BOD1L1: variants seen among roughly 807,000 people sequenced by gnomAD.
BOD1L1 encodes biorientation of chromosomes in cell division protein 1-like 1.
In BOD1L1, 86 loss-of-function variants were observed where a neutral mutation model predicts 240.7. That is an observed-to-expected ratio of 0.36 (90% CI 0.30 to 0.43). BOD1L1 has a LOEUF of 0.43. Ranked by LOEUF, BOD1L1 falls within the 20% of genes least tolerant of loss-of-function variation. BOD1L1 has a pLI of 1.00. For synonymous variants in BOD1L1, 1,268 were observed against 1,272.3 expected (o/e 1.00, Z 0.07); for missense variants, 3,554 against 3,643.5 (o/e 0.98, Z 0.63).
Position 13,602,632 on chromosome 4 carries a change from T to C in BOD1L1, c.4268A>G (p.Lys1423Arg). 1 of 1,614,064 alleles carries C rather than the reference T, an allele frequency of 6.2e-7. No homozygotes were observed. The highest frequency in any genetic ancestry group is 8.5e-7 in the Non-Finnish European group (1 of 1,179,902). The change falls in exon 10 of 26, where the codon AAG becomes AGG. Residue 1423 changes from lysine to arginine, a missense_variant. By Grantham distance (26) the Lys-to-Arg change is conservative (BLOSUM62 2). This residue lies in a region of BOD1L1 where 3,393 missense variants were observed against 3,427.1 expected (regional missense o/e 0.99). Transcript: ENST00000040738. ...CTCTACTGTTGCTTTAATTGTCTGC[T>C]TTAAATTGGGCTCTGCATTTAAGTC... ...ENDLNAEPNLKQTIKATVENG... is the reference protein window; with the variant it reads ...ENDLNAEPNLRQTIKATVENG...
chr4:13,620,190 T>C, intron 1 of BOD1L1, 123 bp from the exon 2 acceptor site: 1 of 976,688 alleles, frequency 1.0e-6, no homozygotes, highest in Middle Eastern at 3.0e-4. Flanking sequence ...TGCTTCAAGA[T>C]AACTTACACT....
chr4:13,591,429 C>T (rs1327020100), intron 13 of BOD1L1, among the ~76,000 whole-genome samples: 4 of 152,094 alleles, frequency 2.6e-5, no homozygotes, highest in African/African-American at 9.7e-5. Flanking sequence ...AATGTTCACT[C>T]CTGGTACAAT....
At chr4:13,607,858 TG>T (rs1333148984) in intron 8 of BOD1L1, among the ~76,000 whole-genome samples, 1 of 152,196 alleles carries the variant, frequency 6.6e-6, no homozygotes, top group Non-Finnish European at 1.5e-5. Context: ...TCAATAAGGA[TG>T]AGAGGTAATA....
At chr4:13,622,745 A>G (rs2109000810) in intron 1 of BOD1L1, among the ~76,000 whole-genome samples, 1 of 152,350 alleles carries the variant, frequency 6.6e-6, no homozygotes, top group South Asian at 2.1e-4. Context: ...TCAGGTAACC[A>G]TGTAATTTAT....
chr4:13,584,468 G>GTGTGTC (rs1713509608), intron 17 of BOD1L1, among the ~76,000 whole-genome samples: 1 of 150,690 alleles, frequency 6.6e-6, no homozygotes, highest in East Asian at 1.9e-4. Context: ...GTGTGTGTGT[G>GTGTGTC]TGTGTGTGTG....
In BOD1L1 at chr4:13,576,927, C is replaced by G; in HGVS notation, c.8949G>C (p.Glu2983Asp). 6.2e-7 allele frequency: 1 copy of G among 1,614,008 alleles called. No individual in the cohort carries two copies. Among genetic ancestry groups the G allele is most frequent in the Non-Finnish European group, 8.5e-7 (1 of 1,179,888 alleles). ...SVSDPVEDKK[E>D]QESDEEEEEE... ...CTTCCTCTTCCTCATCAGACTCCTG[C>G]TCTTTCTTGTCCTCCACTGGATCAG... The change falls in exon 25 of 26, where the codon GAG becomes GAC. Residue 2983 changes from glutamate to aspartate, a missense_variant. This residue lies in a region of BOD1L1 where 3,393 missense variants were observed against 3,427.1 expected (regional missense o/e 0.99). Transcript: ENST00000040738.
At position 13,599,615 on chromosome 4, in the gene BOD1L1, C is replaced by T; in HGVS notation, c.7285G>A (p.Glu2429Lys). 6.2e-7 allele frequency: 1 copy of T among 1,614,036 alleles called. No individual in the cohort carries two copies. The highest frequency in any genetic ancestry group is 8.5e-7 in the Non-Finnish European group (1 of 1,179,896). The change falls in exon 10 of 26, where the codon GAA becomes AAA. Residue 2429 changes from glutamate (E) to lysine (K), a missense_variant. Physicochemically the swap from Glu to Lys is moderately conservative, Grantham distance 56. This residue lies in a region of BOD1L1 where 3,393 missense variants were observed against 3,427.1 expected (regional missense o/e 0.99). Coordinates refer to ENST00000040738, the MANE Select transcript of BOD1L1 (RefSeq NM_148894.3). ...TCCTTGCCATGCTTCTCTTCTTTTT[C>T]CGCACAAACAGCACTTGGATGGCCT... ...GQGHPSAVCA[E>K]KEEKHGKECP...
rs775580634 is a variant in BOD1L1 at position 13,582,726 on chromosome 4, G to C, written c.8444C>G (p.Ser2815Cys). Residue 2815 changes from serine (S) to cysteine (C), a missense_variant, in exon 18 of 26, where the codon TCC becomes TGC. Ser to Cys is a moderately radical substitution (Grantham distance 112). This residue lies in a region of BOD1L1 where 3,393 missense variants were observed against 3,427.1 expected (regional missense o/e 0.99). Transcript: ENST00000040738. ...TEPHDTKEEN[S>C]RDLEELPKTS... is the part of the protein sequence containing the mutation. The stretch of plus-strand genomic sequence containing the variant: ...TTTAGGTAATTCTTCCAAATCTCTG[G>C]AGTTCTCTTCCTATAGAGAAGTTGA... 1.2e-6 allele frequency: 2 copies of C among 1,608,836 alleles called. No homozygotes were observed. Among genetic ancestry groups the C allele is most frequent in the Non-Finnish European group, 1.7e-6 (2 of 1,175,534 alleles).
intron 5 of BOD1L1, among the ~76,000 whole-genome samples, chr4:13,612,927 T>C (rs540943498): frequency 1.4e-4 from 22 of 152,318 alleles, no homozygotes; most frequent in African/African-American, 5.3e-4. Context: ...GGCAATATTC[T>C]GCATATGTTG....
intron 21 of BOD1L1, 28 bp from the exon 22 acceptor site, chr4:13,580,001 A>C (rs1325934560): frequency 4.0e-6 from 6 of 1,507,298 alleles, no homozygotes; most frequent in Admixed American, 2.0e-5. Flanking sequence ...AACAAAAAAA[A>C]ATTTTAAATC....
chr4:13,576,143 G>A (rs766207850), intron 25 of BOD1L1, among the ~76,000 whole-genome samples: 10 of 151,464 alleles, frequency 6.6e-5, no homozygotes, highest in Non-Finnish European at 1.2e-4. Context: ...CTCGTGATTC[G>A]CCTGCCTTGG....
rs1716360660 is a variant in BOD1L1, at chr4:13,613,741, C to T, written c.1175-80G>A. Reference sequence around the variant, plus strand: ...CTCAGAGCTCAATTACTAAATTACACTTAAAATTTTCTGCTTTAAATACGT... The same window carrying T: ...CTCAGAGCTCAATTACTAAATTACATTTAAAATTTTCTGCTTTAAATACGT... On this transcript the variant is annotated intron_variant, in intron 4 of 25. Coordinates refer to ENST00000040738, the MANE Select transcript of BOD1L1 (RefSeq NM_148894.3). The surrounding 1 kb of genome is among the most constrained non-coding windows in gnomAD (Gnocchi z 4.0). The T allele has an allele frequency of 1.7e-5, 20 of 1,181,472 alleles. No homozygotes were observed. Among genetic ancestry groups the T allele is most frequent in the Non-Finnish European group, 2.2e-5 (20 of 895,166 alleles). 73.2% of individuals were successfully genotyped at this position (1,181,472 alleles called of 1,614,324 possible).
In BOD1L1 at chr4:13,582,140, G is replaced by T. The variant is rs1713281450; in HGVS notation, c.8592+97C>A. 6.0e-6 allele frequency: 6 copies of T among 992,728 alleles called. No homozygotes were observed. The African/African-American group carries it at 6.6e-5, about 11-fold the overall frequency. The allele number at this position is 992,728 out of a possible 1,614,324, so 61.5% of individuals were successfully genotyped here. ...CTAAAAAAACCGCAGCTTCTTCAAA[G>T]TACTTAAGAAAAACTCAAGATAACA... is the stretch of plus-strand genomic sequence containing the variant. On this transcript the variant is annotated intron_variant, in intron 19 of 25. Coordinates refer to ENST00000040738, the MANE Select transcript of BOD1L1 (RefSeq NM_148894.3).
In BOD1L1 at chr4:13,600,668, T is replaced by C; in HGVS notation, c.6232A>G (p.Thr2078Ala). The change falls in exon 10 of 26, where the codon ACA becomes GCA. Residue 2078 changes from threonine (T) to alanine (A), a missense_variant. By Grantham distance (58) the Thr-to-Ala change is moderately conservative. Transcript: ENST00000040738. The part of the protein sequence containing the change: ...GKVLIISTST[T>A]NDYTPQVSAI... ...CTTACCTGAGGGGTGTAATCATTTG[T>C]GGTACTGGTGGAAATAATCAAAACT... 6.2e-7 allele frequency: 1 copy of C among 1,613,992 alleles called. No individual in the cohort carries two copies. Among genetic ancestry groups the C allele is most frequent in the South Asian group, 1.1e-5 (1 of 91,066 alleles).
At chr4:13,617,012 C>T (rs941145489) in intron 2 of BOD1L1, among the ~76,000 whole-genome samples, 1 of 152,022 alleles carries the variant, frequency 6.6e-6, no homozygotes, top group Admixed American at 6.5e-5. Context: ...TCTGGGAGGC[C>T]AAGGCGGGCA....
In BOD1L1 at chr4:13,601,136, C is replaced by A; in HGVS notation, c.5764G>T (p.Ala1922Ser). 6.2e-7 allele frequency: 1 copy of A among 1,614,014 alleles called. No individual in the cohort carries two copies. The highest frequency in any genetic ancestry group is 8.5e-7 in the Non-Finnish European group (1 of 1,179,900). ...TTATTTTCATTTGCATTCATGATGG[C>A]AGCTCCAGCCTCAGCTTCCACATGC... ...VEHVEAEAGAAIMNANENNVD... is the reference protein window; with the variant it reads ...VEHVEAEAGASIMNANENNVD... The change falls in exon 10 of 26, where the codon GCC (alanine) becomes TCC (serine). Residue 1922 changes from alanine to serine, a missense_variant. This residue lies in a region of BOD1L1 where 3,393 missense variants were observed against 3,427.1 expected (regional missense o/e 0.99). Coordinates refer to ENST00000040738, the MANE Select transcript of BOD1L1 (RefSeq NM_148894.3).
Position 13,601,673 on chromosome 4 carries a change from A to G in BOD1L1, c.5227T>C (p.Ser1743Pro), listed in dbSNP as rs774656684. Residue 1743 changes from serine to proline, a missense_variant, in exon 10 of 26, where the codon TCA (serine) becomes CCA (proline). By Grantham distance (74) the Ser-to-Pro change is moderately conservative. Transcript: ENST00000040738. ...EGRSDNFVIC[S>P]VTGAGPREER... Reference sequence around the variant, plus strand: ...TCCCGGGGCCCTGCTCCAGTTACTGAGCAGATCACAAAGTTATCACTTCTG... The same window carrying G: ...TCCCGGGGCCCTGCTCCAGTTACTGGGCAGATCACAAAGTTATCACTTCTG... 4.4e-5 allele frequency: 71 copies of G among 1,613,814 alleles called. No individual in the cohort carries two copies. The Admixed American group carries it at 1.1e-3, about 26-fold the overall frequency.
Position 13,604,576 on chromosome 4 carries a change from T to C in BOD1L1, c.2324A>G (p.Gln775Arg). Residue 775 changes from glutamine (Q) to arginine (R), a missense_variant, in exon 10 of 26, where the codon CAA becomes CGA. Around this residue, in one of 2 missense-constraint regions of BOD1L1, gnomAD observed 3,393 missense variants for 3,427.1 expected, o/e 0.99. Coordinates refer to ENST00000040738, the MANE Select transcript of BOD1L1 (RefSeq NM_148894.3). Reference sequence around the variant, plus strand: ...TGAAGAAAGCTTTGTTTGTTGACTTTGCTTTTGAATATTTTCCTCTACTTT... The same window carrying C: ...TGAAGAAAGCTTTGTTTGTTGACTTCGCTTTTGAATATTTTCCTCTACTTT... Reference protein sequence around the residue: ...GLKVEENIQKQSQQTKLSSDD... With the variant: ...GLKVEENIQKRSQQTKLSSDD... 1 of 1,565,324 alleles carries C rather than the reference T, an allele frequency of 6.4e-7. No homozygotes were observed. The highest frequency in any genetic ancestry group is 8.6e-7 in the Non-Finnish European group (1 of 1,164,544).
rs367742398 is a variant in BOD1L1 at position 13,604,894 on chromosome 4, T to C, written c.2006A>G (p.Glu669Gly). The C allele has an allele frequency of 3.7e-6, 6 of 1,613,258 alleles. No individual in the cohort carries two copies. The African/African-American group carries it at 8.0e-5, about 22-fold the overall frequency. ...TTTTACATCTCTTGTGTCAGTCTCT[T>C]CCTGTACCCCCTCCATGATAACAGG... ...STPVIMEGVQ[E>G]ETDTRDVKRQ... The change falls in exon 10 of 26, where the codon GAA becomes GGA. Residue 669 changes from glutamate (E) to glycine (G), a missense_variant. Coordinates refer to ENST00000040738, the MANE Select transcript of BOD1L1 (RefSeq NM_148894.3).
Sources: allele counts gnomAD v4.1 joint callset (sites outside exome capture counted in the v4.1 genomes callset), GRCh38; gene constraint gnomAD v4.1.1; regional missense constraint gnomAD v4.1.1; non-coding constraint Gnocchi (gnomAD v3.1); transcripts MANE v1.5; gene names NCBI Gene and HGNC (gene_info 2026-07-23, HGNC 2026-07-21).